Variants in DOCK1 observed in about 807,000 individuals in gnomAD.
DOCK1 encodes dedicator of cytokinesis protein 1.
Under a neutral mutation model 262.7 loss-of-function variants are expected in DOCK1, and 138 were observed. The observed-to-expected ratio is 0.53, with a 90% CI of 0.46 to 0.61. DOCK1 has a LOEUF of 0.61. Ranked by LOEUF, DOCK1 falls within the 20% of genes least tolerant of loss-of-function variation. DOCK1 has a pLI of 0.00. For missense variants in DOCK1, 1,908 were observed against 2,370.7 expected, an observed-to-expected ratio of 0.80 and a Z score of 4.05; for synonymous variants, 866 against 867.4, an observed-to-expected ratio of 1.00 and a Z score of 0.03.
chr10:127,331,182 T>TAAAGG (rs2062963288), intron 29 of DOCK1, among the ~76,000 whole-genome samples: 1 of 152,198 alleles, frequency 6.6e-6, no homozygotes, highest in Non-Finnish European at 1.5e-5. Flanking sequence ...GAATTCTGGT[T>TAAAGG]AAAGGCTATT....
intron 5 of DOCK1, 88 bp from the exon 6 acceptor site, chr10:126,990,367 T>C (rs1591553799): frequency 8.2e-6 from 11 of 1,338,946 alleles, no homozygotes; most frequent in African/African-American, 5.8e-5. Context: ...TTATACCTCA[T>C]GCGTATTTGA....
intron 27 of DOCK1, among the ~76,000 whole-genome samples, chr10:127,186,507 G>T (rs1780107): frequency 1.7e-4 from 1 of 5,912 alleles, no homozygotes; most frequent in African/African-American, 3.2e-4. Flanking sequence ...GGGAGAAACC[G>T]CCCCCCCGCC....
chr10:127,147,382 TG>T (rs2051983120), intron 27 of DOCK1, among the ~76,000 whole-genome samples: 1 of 152,148 alleles, frequency 6.6e-6, no homozygotes, highest in African/African-American at 2.4e-5. Context: ...CTCCCTAACC[TG>T]GCCTCCCTCC....
intron 48 of DOCK1, among the ~76,000 whole-genome samples, chr10:127,434,536 G>T (rs749079028): frequency 6.6e-6 from 1 of 151,944 alleles, no homozygotes; most frequent in Non-Finnish European, 1.5e-5. Flanking sequence ...CTTTAATATT[G>T]CCAAACTGAA....
At chr10:127,321,472 T>C (rs1463112614) in intron 29 of DOCK1, among the ~76,000 whole-genome samples, 1 of 151,272 alleles carries the variant, frequency 6.6e-6, no homozygotes, top group Admixed American at 6.6e-5. Context: ...TGCTCTCTCA[T>C]TGATTTCCAA....
intron 1 of DOCK1, among the ~76,000 whole-genome samples, chr10:126,927,728 C>G (rs973022570): frequency 6.6e-6 from 1 of 152,134 alleles, no homozygotes; most frequent in Non-Finnish European, 1.5e-5. Flanking sequence ...TGAGCCACCG[C>G]GCCCGGCCTG....
chr10:127,206,739 A>AT (rs2057741937), intron 27 of DOCK1, among the ~76,000 whole-genome samples: 1 of 152,132 alleles, frequency 6.6e-6, no homozygotes, highest in Non-Finnish European at 1.5e-5. Context: ...CTTAATTTTC[A>AT]TTTTTTGACA....
intron 26 of DOCK1, among the ~76,000 whole-genome samples, chr10:127,126,754 G>C (rs1304760667): frequency 2.6e-5 from 4 of 152,072 alleles, no homozygotes. Context: ...GGACAGAGTG[G>C]CCAGGATTTC....
Position 127,428,533 on chromosome 10 carries a change from A to G in DOCK1, c.4914+2522A>G, listed in dbSNP as rs1315269065. On this transcript the variant is annotated intron_variant, in intron 47 of 51. Coordinates refer to ENST00000623213, the MANE Select transcript of DOCK1 (RefSeq NM_001290223.2). ...ATTGGGGTGCCATGTCGATTGTGCC[A>G]TGTGGATTGTGGTGTTGTGTGGATT... Among the ~76,000 whole-genome samples, 526 of 127,694 alleles carry G rather than the reference A, an allele frequency of 4.1e-3. 1 individual carries two copies. Among genetic ancestry groups the G allele is most frequent in the Middle Eastern group, 0.011 (2 of 180 alleles). The allele number at this position is 127,694 out of a possible 152,430, so 83.8% of individuals were successfully genotyped here. A position where few individuals can be genotyped will look rare whatever the true frequency, so the allele number is the denominator to read the frequency against.
chr10:127,170,971 C>A (rs1222200360), intron 27 of DOCK1, among the ~76,000 whole-genome samples: 1 of 152,214 alleles, frequency 6.6e-6, no homozygotes, highest in African/African-American at 2.4e-5. Flanking sequence ...ACTTTTTGCA[C>A]ATCTAACCTA....
chr10:127,009,575 T>C (rs925436134), intron 11 of DOCK1, among the ~76,000 whole-genome samples: 9 of 152,100 alleles, frequency 5.9e-5, no homozygotes, highest in African/African-American at 1.9e-4. Context: ...AGCTTCCTCC[T>C]GGGCGTGGGG....
At chr10:126,946,353 C>A (rs977376708) in intron 1 of DOCK1, among the ~76,000 whole-genome samples, 2 of 152,074 alleles carry the variant, frequency 1.3e-5, no homozygotes, top group African/African-American at 2.4e-5. Flanking sequence ...TCAAGACCAG[C>A]CTGGCCAACA....
chr10:127,023,552 T>C (rs926005528), intron 14 of DOCK1, among the ~76,000 whole-genome samples: 1 of 150,428 alleles, frequency 6.6e-6, no homozygotes, highest in African/African-American at 2.4e-5. Context: ...CTTTTTTTTT[T>C]TTTTTTTTGA....
At chr10:127,000,084 CTCAA>C in intron 9 of DOCK1, 84 bp from the exon 10 acceptor site, 1 of 1,482,342 alleles carries the variant, frequency 6.7e-7, no homozygotes, top group East Asian at 2.3e-5. Flanking sequence ...TGAGAAGAGT[CTCAA>C]TCCATTTTTT....
intron 1 of DOCK1, among the ~76,000 whole-genome samples, chr10:126,964,779 G>C (rs1339940110): frequency 6.6e-6 from 1 of 152,184 alleles, no homozygotes; most frequent in Non-Finnish European, 1.5e-5. Flanking sequence ...TGGCAGGTGG[G>C]CTATCTCCTT....
intron 33 of DOCK1, among the ~76,000 whole-genome samples, chr10:127,372,458 C>T (rs1249375082): frequency 1.3e-5 from 2 of 152,228 alleles, no homozygotes; most frequent in African/African-American, 4.8e-5. Flanking sequence ...CGCTCCTTTG[C>T]TGACATATTA....
chr10:127,168,457 G>A (rs1201695117), intron 27 of DOCK1, among the ~76,000 whole-genome samples: 1 of 152,238 alleles, frequency 6.6e-6, no homozygotes, highest in East Asian at 1.9e-4. Context: ...ACAATGCCCT[G>A]CTTTTCTGTG....
chr10:127,193,390 C>T (rs889823481), intron 27 of DOCK1, among the ~76,000 whole-genome samples: 6 of 152,276 alleles, frequency 3.9e-5, no homozygotes, highest in Admixed American at 2.0e-4. Context: ...CCTTCACAAG[C>T]GTTAAAATCC....
chr10:127,294,470 C>T (rs529580167), intron 29 of DOCK1, among the ~76,000 whole-genome samples: 1 of 150,946 alleles, frequency 6.6e-6, no homozygotes, highest in Middle Eastern at 3.6e-3. Context: ...TACAGGCACT[C>T]GTCACCACGC....
Sources: allele counts gnomAD v4.1 joint callset (sites outside exome capture counted in the v4.1 genomes callset), GRCh38; gene constraint gnomAD v4.1.1; transcripts MANE v1.5; gene names NCBI Gene and HGNC (gene_info 2026-07-23, HGNC 2026-07-21).